ZFHX3: variants seen among roughly 807,000 people sequenced by gnomAD.
ZFHX3 encodes the protein zinc finger homeobox 3.
Under a neutral mutation model 279.1 loss-of-function variants are expected in ZFHX3, and 42 were observed. The ratio of observed to expected loss-of-function variants is 0.15; its 90% CI spans 0.12 to 0.19. ZFHX3 has a LOEUF of 0.19. ZFHX3 is among the 10% of genes least tolerant of loss of function. The probability of loss-of-function intolerance (pLI) is 1.00; values close to 1 mark genes in which losing one functional copy is unlikely to be tolerated. For synonymous variants in ZFHX3, 2,293 were observed against 1,957.8 expected (o/e 1.17, Z -4.52); for missense variants, 4,981 against 4,754.0 (o/e 1.05, Z -1.40).
At chr16:73,335,847 A>C (rs1410010207) in intron 3 of ZFHX3, among the ~76,000 whole-genome samples, 1 of 152,192 alleles carries the variant, frequency 6.6e-6, no homozygotes, top group African/African-American at 2.4e-5. Flanking sequence ...GAAGTTTATT[A>C]TTCTATTTGT....
intron 4 of ZFHX3, among the ~76,000 whole-genome samples, chr16:73,307,414 T>C (rs1278008164): frequency 6.6e-6 from 1 of 152,222 alleles, no homozygotes; most frequent in East Asian, 1.9e-4. Context: ...CTGAAGGTTG[T>C]TGGCCAAGGA....
chr16:72,835,514 GA>G (rs780608365), intron 4 of ZFHX3, among the ~76,000 whole-genome samples: 5 of 152,156 alleles, frequency 3.3e-5, no homozygotes, highest in Admixed American at 6.5e-5. Context: ...CCTCTTCTTT[GA>G]AAAACAAAAT....
intron 5 of ZFHX3, among the ~76,000 whole-genome samples, chr16:73,204,015 C>G (rs898872055): frequency 6.6e-6 from 1 of 152,040 alleles, no homozygotes; most frequent in Non-Finnish European, 1.5e-5. Context: ...GATTTTACAA[C>G]TTGAATGGAA....
At chr16:73,499,729 C>T (rs1435139619) in intron 2 of ZFHX3, 1 of 152,188 alleles carries the variant, frequency 6.6e-6, no homozygotes, top group Non-Finnish European at 1.5e-5. Flanking sequence ...CAAAACTCTA[C>T]ACTAAATCAA....
Position 73,620,862 on chromosome 16 carries a change from AAGAGAAAAGGACCAGATCTTTGGGTG to A in ZFHX3, c.-1547+59292_-1547+59317del, listed in dbSNP as rs910391098. Among the ~76,000 whole-genome samples, 11 of 152,336 alleles carry A rather than the reference AAGAGAAAAGGACCAGATCTTTGGGTG, an allele frequency of 7.2e-5. No individual in the cohort carries two copies. In the East Asian group the frequency reaches 1.3e-3, roughly 19 times the overall value. The stretch of plus-strand genomic sequence containing the variant: ...AGATGCACGAGAGATGGTTGAGCAG[AAGAGAAAAGGACCAGATCTTTGGGTG>A]AGAGAAAAGGACCAGATCTTTGGGT... On this transcript the variant is annotated intron_variant, in intron 2 of 17. Coordinates refer to the ZFHX3 transcript ENST00000641206.
intron 1 of ZFHX3, among the ~76,000 whole-genome samples, chr16:73,831,702 C>G (rs1961001768): frequency 6.6e-6 from 1 of 152,156 alleles, no homozygotes; most frequent in African/African-American, 2.4e-5. Context: ...TGATTATTTT[C>G]AACTCATTGG....
At chr16:73,846,409 T>C (rs1173523657) in intron 1 of ZFHX3, among the ~76,000 whole-genome samples, 3 of 152,204 alleles carry the variant, frequency 2.0e-5, no homozygotes, top group African/African-American at 7.2e-5. Context: ...CAAATCACAT[T>C]TGAGTTACTC....
chr16:72,794,143 T>C lies in ZFHX3; in HGVS notation c.8539A>G (p.Thr2847Ala), dbSNP rs1450701264. 6 of 1,614,066 alleles carry C rather than the reference T, an allele frequency of 3.7e-6. No homozygotes were observed. The highest frequency in any genetic ancestry group is 2.7e-5 in the African/African-American group (2 of 74,922). Residue 2847 changes from threonine to alanine, a missense_variant, in exon 9 of 10, where the codon ACT becomes GCT. By Grantham distance (58) the Thr-to-Ala change is moderately conservative (BLOSUM62 0). Coordinates refer to ENST00000268489, the MANE Select transcript of ZFHX3 (RefSeq NM_006885.4). This position sits in a 1 kb window ranked among gnomAD's most constrained non-coding sequence, Gnocchi z 4.2. ...SVNTAITDTT[T>A]GDEGNADNDS... ...TTATCTGCGTTGCCCTCGTCTCCAG[T>C]TGTGGTATCTGTGATTGCTGTGTTG...
At chr16:73,207,143 G>T (rs920971300) in intron 5 of ZFHX3, among the ~76,000 whole-genome samples, 6 of 152,076 alleles carry the variant, frequency 3.9e-5, no homozygotes. Flanking sequence ...GTACTCCAAG[G>T]TTTACTATCT....
chr16:73,062,380 T>A (rs1965694740), upstream of ZFHX3: 1 of 152,196 alleles, frequency 6.6e-6, no homozygotes, highest in South Asian at 2.1e-4. Flanking sequence ...ATACAAGGTG[T>A]ACATAAATTC....
chr16:73,693,032 G>T (rs540576873), intron 1 of ZFHX3, among the ~76,000 whole-genome samples: 1 of 152,136 alleles, frequency 6.6e-6, no homozygotes, highest in Non-Finnish European at 1.5e-5. Context: ...AAGAAATTAC[G>T]AAAAACTTGG....
At chr16:73,248,664 T>TGTGTGTGTGTGC (rs1334266459) in intron 5 of ZFHX3, among the ~76,000 whole-genome samples, 1 of 150,004 alleles carries the variant, frequency 6.7e-6, no homozygotes, top group African/African-American at 2.4e-5. Flanking sequence ...TGTGTGTGTG[T>TGTGTGTGTGTGC]GCACGTGCAC....
chr16:73,740,447 G>C (rs879725619), intron 1 of ZFHX3, among the ~76,000 whole-genome samples: 2 of 151,992 alleles, frequency 1.3e-5, no homozygotes, highest in Non-Finnish European at 2.9e-5. Context: ...TATATGGCAG[G>C]CAGGTGAGTT....
chr16:73,292,562 AG>A (rs2014799477), intron 4 of ZFHX3, among the ~76,000 whole-genome samples: 3 of 152,266 alleles, frequency 2.0e-5, no homozygotes, highest in African/African-American at 7.2e-5. Context: ...CACCTGAAAA[AG>A]GATCTTTTAT....
intron 1 of ZFHX3, among the ~76,000 whole-genome samples, chr16:73,798,337 T>G (rs2142322998): frequency 6.6e-6 from 1 of 151,572 alleles, no homozygotes; most frequent in African/African-American, 2.4e-5. Flanking sequence ...GGGGGAAAGG[T>G]GAGACCTTGA....
intron 2 of ZFHX3, among the ~76,000 whole-genome samples, chr16:73,563,941 G>C (rs959995564): frequency 6.6e-6 from 1 of 152,124 alleles, no homozygotes; most frequent in African/African-American, 2.4e-5. Flanking sequence ...AACTTCTCAA[G>C]GGACTCAAAG....
chr16:72,826,708 T>G (rs2036940856), intron 5 of ZFHX3, among the ~76,000 whole-genome samples: 1 of 152,224 alleles, frequency 6.6e-6, no homozygotes, highest in African/African-American at 2.4e-5. Flanking sequence ...TCTTTACTAT[T>G]GTGCAGCTGG....
intron 1 of ZFHX3, among the ~76,000 whole-genome samples, chr16:73,835,846 T>G (rs1961132855): frequency 6.6e-6 from 1 of 152,118 alleles, no homozygotes; most frequent in Non-Finnish European, 1.5e-5. Flanking sequence ...CTTGAAGTAG[T>G]CAAGGGTGTT....
intron 1 of ZFHX3, among the ~76,000 whole-genome samples, chr16:73,778,559 A>G (rs1959343668): frequency 6.6e-6 from 1 of 152,224 alleles, no homozygotes; most frequent in African/African-American, 2.4e-5. Flanking sequence ...ACTATTTTCC[A>G]AAGTCAGACT....
Sources: gnomAD v4.1 joint callset for allele counts (sites outside exome capture counted in the v4.1 genomes callset) on GRCh38, gnomAD v4.1.1 for gene constraint, Gnocchi (gnomAD v3.1) non-coding constraint, MANE v1.5 for transcripts, NCBI Gene and HGNC (gene_info 2026-07-23, HGNC 2026-07-21) for gene names.